The following LRP1B variants were observed in gnomAD, a reference collection of about 807,000 sequenced individuals.
LRP1B encodes LDL receptor related protein 1B, also known as low-density lipoprotein receptor-related protein 1B.
Under a neutral mutation model 556.6 loss-of-function variants are expected in LRP1B, and 217 were observed. The observed-to-expected ratio is 0.39, with a 90% CI of 0.35 to 0.44. LRP1B has a LOEUF of 0.44. Ranked by LOEUF, LRP1B falls within the 20% of genes least tolerant of loss-of-function variation. LRP1B has a pLI of 1.00. For synonymous variants in LRP1B, 2,047 were observed against 1,865.8 expected (o/e 1.10, Z -2.50); for missense variants, 5,053 against 5,620.8 (o/e 0.90, Z 3.23).
intron 1 of LRP1B, among the ~76,000 whole-genome samples, chr2:142,088,974 C>CAAAAAAAAAA (rs1289382985): frequency 5.0e-5 from 2 of 39,736 alleles, no homozygotes; most frequent in African/African-American, 9.4e-5. Flanking sequence ...GGCTCCGTCT[C>CAAAAAAAAAA]AAAAAAAAAA....
At chr2:140,285,555 T>C (rs900046111) in intron 84 of LRP1B, among the ~76,000 whole-genome samples, 11 of 151,638 alleles carry the variant, frequency 7.3e-5, no homozygotes, top group African/African-American at 2.7e-4. Flanking sequence ...AAGGATCCCC[T>C]GGTTAACTGT....
chr2:140,374,604 T>G (rs558493671), intron 68 of LRP1B, among the ~76,000 whole-genome samples: 21 of 152,178 alleles, frequency 1.4e-4, no homozygotes, highest in Non-Finnish European at 2.9e-4. Context: ...GTATTCTCCA[T>G]ACTATTAGTG....
chr2:141,407,543 G>C (rs1308788559), intron 3 of LRP1B, among the ~76,000 whole-genome samples: 1 of 152,044 alleles, frequency 6.6e-6, no homozygotes, highest in African/African-American at 2.4e-5. Flanking sequence ...CAATTCCCTT[G>C]GTGGTAAGTG....
intron 10 of LRP1B, among the ~76,000 whole-genome samples, chr2:141,051,389 A>G (rs1034595689): frequency 3.9e-5 from 6 of 152,118 alleles, no homozygotes; most frequent in East Asian, 3.9e-4. Flanking sequence ...ATGCCCATCA[A>G]TGAAAGACTG....
intron 3 of LRP1B, among the ~76,000 whole-genome samples, chr2:141,345,198 TC>T (rs1234672535): frequency 6.6e-6 from 1 of 151,086 alleles, no homozygotes; most frequent in Non-Finnish European, 1.5e-5. Flanking sequence ...GAAAATGGAT[TC>T]CCCCTTAGAC....
chr2:142,066,653 G>C (rs1559052048), intron 1 of LRP1B, among the ~76,000 whole-genome samples: 1 of 151,402 alleles, frequency 6.6e-6, no homozygotes, highest in Non-Finnish European at 1.5e-5. Flanking sequence ...CTCACTATCA[G>C]AGCCATTGAC....
intron 3 of LRP1B, among the ~76,000 whole-genome samples, chr2:141,468,282 A>G (rs755803068): frequency 8.5e-5 from 13 of 152,240 alleles, no homozygotes; most frequent in Non-Finnish European, 1.9e-4. Context: ...CAGGAGTCAA[A>G]GCAAGAGCAT....
At chr2:141,415,307 C>G (rs1691054623) in intron 3 of LRP1B, among the ~76,000 whole-genome samples, 1 of 152,174 alleles carries the variant, frequency 6.6e-6, no homozygotes, top group African/African-American at 2.4e-5. Flanking sequence ...GCCACCACGC[C>G]CGGCCTCTAA....
At chr2:140,656,603 GCTT>G (rs1226139363) in intron 41 of LRP1B, among the ~76,000 whole-genome samples, 1 of 151,876 alleles carries the variant, frequency 6.6e-6, no homozygotes, top group East Asian at 1.9e-4. Context: ...CGAAACTACT[GCTT>G]TTAAACCATT....
intron 1 of LRP1B, among the ~76,000 whole-genome samples, chr2:141,879,938 G>A (rs1698897550): frequency 1.3e-5 from 2 of 151,498 alleles, no homozygotes; most frequent in Admixed American, 1.3e-4. Flanking sequence ...TGTTAACCTG[G>A]ACATATACAT....
chr2:141,079,814 C>A (rs1217309675), intron 7 of LRP1B, among the ~76,000 whole-genome samples: 1 of 152,082 alleles, frequency 6.6e-6, no homozygotes, highest in Non-Finnish European at 1.5e-5. Flanking sequence ...TAGGTTGGTG[C>A]AAAAGTAATT....
chr2:141,705,836 AT>A (rs1364503613), intron 2 of LRP1B, among the ~76,000 whole-genome samples: 4 of 152,042 alleles, frequency 2.6e-5, no homozygotes, highest in Admixed American at 2.0e-4. Flanking sequence ...CCTCATATTT[AT>A]GATAGTTCCC....
chr2:140,525,403 T>C (rs1690387871), intron 49 of LRP1B, among the ~76,000 whole-genome samples: 1 of 151,404 alleles, frequency 6.6e-6, no homozygotes, highest in African/African-American at 2.4e-5. Flanking sequence ...ATAATGATTA[T>C]AACTATTACT....
At chr2:141,223,508 T>G (rs1350517393) in intron 6 of LRP1B, among the ~76,000 whole-genome samples, 1 of 152,158 alleles carries the variant, frequency 6.6e-6, no homozygotes, top group African/African-American at 2.4e-5. Context: ...CCATTGACAT[T>G]CTTCAGTGAA....
At chr2:142,013,533 C>T (rs1207739748) in intron 1 of LRP1B, among the ~76,000 whole-genome samples, 2 of 151,666 alleles carry the variant, frequency 1.3e-5, no homozygotes, top group African/African-American at 4.8e-5. Flanking sequence ...TTACAGAATC[C>T]TTCTTACACA....
At chr2:140,785,632 C>T (rs963785434) in intron 32 of LRP1B, among the ~76,000 whole-genome samples, 18 of 152,054 alleles carry the variant, frequency 1.2e-4, no homozygotes, top group African/African-American at 3.6e-4. Flanking sequence ...CTTACGACTT[C>T]GCTAACTACC....
intron 3 of LRP1B, among the ~76,000 whole-genome samples, chr2:141,271,052 A>T (rs1301009651): frequency 6.6e-6 from 1 of 152,002 alleles, no homozygotes; most frequent in East Asian, 1.9e-4. Flanking sequence ...AAATGAGAAG[A>T]TAGAAATTAC....
intron 18 of LRP1B, among the ~76,000 whole-genome samples, chr2:140,954,786 A>G (rs1282474000): frequency 1.3e-5 from 2 of 152,042 alleles, no homozygotes; most frequent in African/African-American, 4.8e-5. Context: ...ACAATTATAT[A>G]TCATATGTGA....
intron 2 of LRP1B, among the ~76,000 whole-genome samples, chr2:141,731,268 GCA>G (rs765096213): frequency 1.6e-4 from 25 of 152,058 alleles, no homozygotes; most frequent in Non-Finnish European, 3.2e-4. Context: ...GAATTTCCAG[GCA>G]CAGTGTCTGG....
Sources: allele counts gnomAD v4.1 joint callset (sites outside exome capture counted in the v4.1 genomes callset), GRCh38; gene constraint gnomAD v4.1.1; transcripts MANE v1.5; gene names NCBI Gene and HGNC (gene_info 2026-07-23, HGNC 2026-07-21).